MMP26: variants seen among roughly 807,000 people sequenced by gnomAD.
The protein encoded by MMP26 is matrix metallopeptidase 26, also known as matrix metalloproteinase-26.
MMP26 carries 33 observed loss-of-function variants against 31.0 expected under a neutral mutation model. The ratio of observed to expected loss-of-function variants is 1.06; its 90% confidence interval spans 0.81 to 1.42. The LOEUF is 1.42. MMP26 is among the 40% of genes most tolerant of loss of function. The probability of loss-of-function intolerance (pLI) is 0.00; values close to 1 mark genes in which losing one functional copy is unlikely to be tolerated. For missense variants in MMP26, 347 were observed against 316.1 expected (o/e 1.10, Z -0.74); for synonymous variants, 122 against 114.9 (o/e 1.06, Z -0.40).
At chr11:4,946,003 G>A in intron 2 of MMP26, 1 of 717,196 alleles carries the variant, frequency 1.4e-6, no homozygotes, top group African/African-American at 1.8e-5. Flanking sequence ...CCTGTTTATA[G>A]TTCTATTCTC....
chr11:4,803,440 A>T lies in MMP26; in HGVS notation c.-145+36099A>T. On this transcript the variant is annotated intron_variant, in intron 2 of 7. Transcript: ENST00000380390. ...GATACACTGACCCTTTGCTCAGGGG[A>T]TGTTTCCACAACATCCTTGGATAAC... 6 of 1,599,724 alleles carry T rather than the reference A, an allele frequency of 3.8e-6. No individual in the cohort carries two copies. Among genetic ancestry groups the T allele is most frequent in the Non-Finnish European group, 5.1e-6 (6 of 1,170,066 alleles).
At chr11:4,888,350 A>G (rs1048789348) in intron 2 of MMP26, among the ~76,000 whole-genome samples, 3 of 152,146 alleles carry the variant, frequency 2.0e-5, no homozygotes, top group African/African-American at 7.2e-5. Flanking sequence ...TGAAACTATA[A>G]CAATGCATAT....
chr11:4,705,000 G>A lies in MMP26; in HGVS notation c.-262G>A, dbSNP rs1241551540. 3 of 152,172 alleles carry A rather than the reference G, an allele frequency of 2.0e-5. No individual in the cohort carries two copies. 9.4% of individuals were successfully genotyped at this position (152,172 alleles called of 1,614,324 possible). A position where few individuals can be genotyped will look rare whatever the true frequency, so the allele number is the denominator to read the frequency against. On this transcript the variant is annotated 5_prime_UTR_variant, in exon 1 of 8. Coordinates refer to ENST00000380390, the MANE Select transcript of MMP26 (RefSeq NM_021801.5). Reference sequence around the variant, plus strand: ...ATGATCCTTCAAATAGCAGGGGGCAGGATCAAATAACCTCACCTTCCAGAC... The same window carrying A: ...ATGATCCTTCAAATAGCAGGGGGCAAGATCAAATAACCTCACCTTCCAGAC...
At chr11:4,829,664 A>G (rs1474979082) in intron 2 of MMP26, among the ~76,000 whole-genome samples, 2 of 152,152 alleles carry the variant, frequency 1.3e-5, no homozygotes, top group Admixed American at 6.5e-5. Flanking sequence ...GGGGCTAGAT[A>G]TAAGACAATG....
At position 4,936,648 on chromosome 11, in the gene MMP26, G is replaced by A. The variant is rs11034728; in HGVS notation, c.-144-51420G>A. 3.1e-3 allele frequency among the ~76,000 whole-genome samples: 467 copies of A among 152,216 alleles called. 12 individuals carry two copies. The East Asian group carries it at 0.06, about 19-fold the overall frequency. ...AGTGGGTATAATTAGCTGATTCTAAGAGCTGGGCGTAAAATATAAATGCAG... is the reference window on the plus strand; with the variant it reads ...AGTGGGTATAATTAGCTGATTCTAAAAGCTGGGCGTAAAATATAAATGCAG... On this transcript the variant is annotated intron_variant, in intron 2 of 7. Coordinates refer to ENST00000380390, the MANE Select transcript of MMP26 (RefSeq NM_021801.5).
intron 2 of MMP26, among the ~76,000 whole-genome samples, chr11:4,874,636 T>A (rs1850355982): frequency 6.6e-6 from 1 of 151,712 alleles, no homozygotes; most frequent in Non-Finnish European, 1.5e-5. Context: ...AGGGTTATGA[T>A]AAATACAAAG....
chr11:4,784,513 G>A (rs545472874), intron 2 of MMP26, among the ~76,000 whole-genome samples: 3 of 152,190 alleles, frequency 2.0e-5, no homozygotes. Context: ...ATCCAATGAC[G>A]ATTGTCCTTT....
chr11:4,991,848 A>G, intron 6 of MMP26, 116 bp from the exon 7 acceptor site: 2 of 974,760 alleles, frequency 2.1e-6, no homozygotes, highest in Non-Finnish European at 2.9e-6. Flanking sequence ...TTTACCCTGT[A>G]ACATTTGCCC....
At chr11:4,930,170 T>C (rs1385141786) in intron 2 of MMP26, among the ~76,000 whole-genome samples, 1 of 152,110 alleles carries the variant, frequency 6.6e-6, no homozygotes, top group Non-Finnish European at 1.5e-5. Flanking sequence ...AGTTTTTTGT[T>C]GTTGTTGATC....
At chr11:4,945,896 G>A (rs1046109511) in intron 2 of MMP26, 1 of 461,378 alleles carries the variant, frequency 2.2e-6, no homozygotes, top group African/African-American at 2.0e-5. Context: ...TCATTTTTCT[G>A]TCTTGGTTGT....
At chr11:4,755,838 T>C (rs1335194282) in intron 1 of MMP26, among the ~76,000 whole-genome samples, 1 of 152,016 alleles carries the variant, frequency 6.6e-6, no homozygotes, top group Non-Finnish European at 1.5e-5. Context: ...ATGTCTTGTT[T>C]TGCACTAGAG....
intron 2 of MMP26, among the ~76,000 whole-genome samples, chr11:4,789,344 G>T (rs934291626): frequency 6.6e-6 from 1 of 151,774 alleles, no homozygotes; most frequent in East Asian, 1.9e-4. Context: ...TTTCTATCTG[G>T]AAAATAAAGT....
At chr11:4,893,795 T>C (rs952187999) in intron 2 of MMP26, among the ~76,000 whole-genome samples, 1 of 152,114 alleles carries the variant, frequency 6.6e-6, no homozygotes, top group Non-Finnish European at 1.5e-5. Flanking sequence ...AAATGTATCT[T>C]ATTAAAAGAT....
chr11:4,946,265 T>G (rs766889828), intron 2 of MMP26: 2 of 1,613,912 alleles, frequency 1.2e-6, no homozygotes, highest in Non-Finnish European at 1.7e-6. Flanking sequence ...TAGGAGAACA[T>G]TTGCCATGAG....
intron 1 of MMP26, among the ~76,000 whole-genome samples, chr11:4,716,079 G>T (rs114285785): frequency 2.0e-5 from 3 of 152,212 alleles, no homozygotes; most frequent in African/African-American, 7.2e-5. Context: ...GCCTCTAGAA[G>T]CTAAAAGCCC....
intron 2 of MMP26, among the ~76,000 whole-genome samples, chr11:4,818,443 A>G (rs1463398662): frequency 6.6e-6 from 1 of 151,864 alleles, no homozygotes; most frequent in Non-Finnish European, 1.5e-5. Context: ...GTTTGTTATT[A>G]TTTTCATTTT....
chr11:4,905,181 A>G (rs541181554), intron 2 of MMP26, among the ~76,000 whole-genome samples: 1 of 152,240 alleles, frequency 6.6e-6, no homozygotes, highest in East Asian at 1.9e-4. Flanking sequence ...TCCAGCAAAT[A>G]ACAGGAGAAT....
intron 2 of MMP26, among the ~76,000 whole-genome samples, chr11:4,799,766 T>C (rs1211112391): frequency 1.3e-5 from 2 of 152,168 alleles, no homozygotes; most frequent in East Asian, 3.9e-4. Context: ...GTACAGGCAT[T>C]GGTTAAATAT....
At position 4,949,033 on chromosome 11, in the gene MMP26, T is replaced by C. The variant is rs1308571740; in HGVS notation, c.-144-39035T>C. Among the ~76,000 whole-genome samples, 7 of 124,894 alleles carry C rather than the reference T, an allele frequency of 5.6e-5. 1 individual carries two copies. Among genetic ancestry groups the C allele is most frequent in the Non-Finnish European group, 1.1e-4 (6 of 54,916 alleles). The allele number at this position is 124,894 out of a possible 152,430, so 81.9% of individuals were successfully genotyped here. A position where few individuals can be genotyped will look rare whatever the true frequency, so the allele number is the denominator to read the frequency against. ...ATTGGCTCAATGTTCATGTGTTCAT[T>C]GGCTCAATGTTCAACTTTGTGGACC... On this transcript the variant is annotated intron_variant, in intron 2 of 7. Coordinates refer to ENST00000380390, the MANE Select transcript of MMP26 (RefSeq NM_021801.5).
Sources: allele counts gnomAD v4.1 joint callset (sites outside exome capture counted in the v4.1 genomes callset), GRCh38; gene constraint gnomAD v4.1.1; transcripts MANE v1.5; gene names NCBI Gene and HGNC (gene_info 2026-07-23, HGNC 2026-07-21).